PPP6C: variants seen among roughly 807,000 people sequenced by gnomAD.
PPP6C encodes the protein protein phosphatase 6 catalytic subunit, also known as serine/threonine-protein phosphatase 6 catalytic subunit.
In PPP6C, 11 loss-of-function variants were observed where a neutral mutation model predicts 39.8. That is an observed-to-expected ratio of 0.28 (90% CI 0.17 to 0.46). The LOEUF (loss-of-function observed/expected upper bound fraction) is 0.46, where lower values mean the gene tolerates loss of function less well. PPP6C is among the 20% of genes least tolerant of loss of function. The probability of loss-of-function intolerance (pLI) is 1.00; values close to 1 mark genes in which losing one functional copy is unlikely to be tolerated. For synonymous variants in PPP6C, 129 were observed against 130.3 expected, an observed-to-expected ratio of 0.99 and a Z score of 0.07; for missense variants, 211 against 373.9, an observed-to-expected ratio of 0.56 and a Z score of 3.59.
At chr9:125,154,030 A>G in intron 4 of PPP6C, 45 bp from the exon 5 acceptor site, 1 of 1,385,928 alleles carries the variant, frequency 7.2e-7, no homozygotes. Context: ...TCTGCTAATA[A>G]AAATAAACAA....
At chr9:125,171,590 G>A (rs1829169045) in intron 1 of PPP6C, among the ~76,000 whole-genome samples, 1 of 142,450 alleles carries the variant, frequency 7.0e-6, no homozygotes, top group South Asian at 2.2e-4. Context: ...GTCTCACTCT[G>A]TCTCCCAGGC....
chr9:125,185,436 G>A (rs912497390), intron 1 of PPP6C, among the ~76,000 whole-genome samples: 1 of 152,014 alleles, frequency 6.6e-6, no homozygotes, highest in Non-Finnish European at 1.5e-5. Flanking sequence ...GCTCACGCCT[G>A]TAATCCCAGC....
At chr9:125,156,740 G>GCTCGCTCT (rs899378572) in intron 4 of PPP6C, among the ~76,000 whole-genome samples, 6 of 134,092 alleles carry the variant, frequency 4.5e-5, no homozygotes, top group Non-Finnish European at 7.7e-5. Context: ...TTCCTAATAA[G>GCTCGCTCT]CTCGCTCTCT....
chr9:125,169,359 T>C (rs1218437879), intron 2 of PPP6C, among the ~76,000 whole-genome samples: 2 of 152,258 alleles, frequency 1.3e-5, no homozygotes, highest in African/African-American at 4.8e-5. Context: ...ACTGAAGGTA[T>C]ATATAATACA....
intron 1 of PPP6C, among the ~76,000 whole-genome samples, chr9:125,184,525 C>A (rs1829484356): frequency 6.6e-6 from 1 of 151,532 alleles, no homozygotes; most frequent in African/African-American, 2.4e-5. Context: ...CCACTGCACT[C>A]CACCCTGGGC....
At position 125,147,000 on chromosome 9, in the gene PPP6C, G is replaced by C. The variant is rs1835827110; in HGVS notation, c.*2673C>G. On this transcript the variant is annotated 3_prime_UTR_variant, in exon 7 of 7. Transcript: ENST00000373547. Reference sequence around the variant, plus strand: ...ACCTTATTTCCCAAAGCAAAACCTAGGGCTTAAGACGTCAAAATCTTCCAA... The same window carrying C: ...ACCTTATTTCCCAAAGCAAAACCTACGGCTTAAGACGTCAAAATCTTCCAA... 6.6e-6 allele frequency: 1 copy of C among 152,124 alleles called. No homozygotes were observed. The highest frequency in any genetic ancestry group is 1.5e-5 in the Non-Finnish European group (1 of 68,020). The allele number at this position is 152,124 out of a possible 1,614,324, so 9.4% of individuals were successfully genotyped here.
rs1282783620 is a variant in PPP6C at position 125,147,353 on chromosome 9, T to C, written c.*2320A>G. 6.6e-6 allele frequency: 1 copy of C among 152,144 alleles called. No individual in the cohort carries two copies. The highest frequency in any genetic ancestry group is 6.5e-5 in the Admixed American group (1 of 15,268). 9.4% of individuals were successfully genotyped at this position (152,144 alleles called of 1,614,324 possible). A position where few individuals can be genotyped will look rare whatever the true frequency, so the allele number is the denominator to read the frequency against. On this transcript the variant is annotated 3_prime_UTR_variant, in exon 7 of 7. Transcript: ENST00000373547. ...CAGCCTAGATATAGGGAGTAACAAA[T>C]CCTCCTGCCCATAAATCTATGACTT...
chr9:125,152,130 G>C (rs368108364), intron 6 of PPP6C, among the ~76,000 whole-genome samples: 144 of 152,186 alleles, frequency 9.5e-4, no homozygotes, highest in Non-Finnish European at 1.7e-3. Flanking sequence ...GGGTGGTTGA[G>C]GGGGGAGGCA....
At position 125,186,786 on chromosome 9, in the gene PPP6C, GA is replaced by G. The variant is rs971834113; in HGVS notation, c.75+2857del. 1.1e-4 allele frequency among the ~76,000 whole-genome samples: 17 copies of G among 148,114 alleles called. 1 individual carries two copies. The highest frequency in any genetic ancestry group is 3.5e-4 in the African/African-American group (14 of 40,048). ...AAAAAAAGATTAAAAATTTTTTTAAGAAAAAAAAAGAAACAAATACAAGTCA... is the reference window on the plus strand; with the variant it reads ...AAAAAAAGATTAAAAATTTTTTTAAGAAAAAAAAGAAACAAATACAAGTCA... On this transcript the variant is annotated intron_variant, in intron 1 of 6. Coordinates refer to ENST00000373547, the MANE Select transcript of PPP6C (RefSeq NM_002721.5).
In PPP6C at chr9:125,153,664, C is replaced by A; in HGVS notation, c.538G>T (p.Glu180Ter). 6.2e-7 allele frequency: 1 copy of A among 1,614,108 alleles called. No homozygotes were observed. The highest frequency in any genetic ancestry group is 1.3e-5 in the African/African-American group (1 of 75,020). The stretch of plus-strand genomic sequence containing the variant: ...TTATGAGGAATTTCCTGATTCCGTT[C>A]GATGGTTCGAATTTGATCCAGTGTT... ...IKTLDQIRTI[E>*]RNQEIPHKGA... is the part of the protein sequence containing the mutation. Residue 180 changes from glutamate (E) to a stop codon, truncating the protein, a stop_gained, in exon 6 of 7, where the codon GAA becomes TAA. Transcript: ENST00000373547. LOFTEE classifies it high-confidence loss of function.
intron 1 of PPP6C, among the ~76,000 whole-genome samples, chr9:125,187,202 C>A (rs1045095575): frequency 2.0e-5 from 3 of 151,852 alleles, no homozygotes; most frequent in Non-Finnish European, 4.4e-5. Context: ...CTGCCTCAGC[C>A]ACCCAAAGTG....
At chr9:125,188,770 T>A (rs559587735) in intron 1 of PPP6C, 2 of 224,374 alleles carry the variant, frequency 8.9e-6, no homozygotes, top group African/African-American at 5.2e-5. Context: ...GGTGACAGAG[T>A]GAGACTCTAT....
rs921713725 is a variant in PPP6C at position 125,167,843 on chromosome 9, G to C, written c.171+3242C>G. ...GGAGTTTGAGATGGGGGGGGGGGGG[G>C]GGGGTATCATTTGGTTGCCCAGGCT... On this transcript the variant is annotated intron_variant, in intron 2 of 6. Coordinates refer to ENST00000373547, the MANE Select transcript of PPP6C (RefSeq NM_002721.5). Among the ~76,000 whole-genome samples the C allele has an allele frequency of 6.4e-4, 62 of 96,712 alleles. 3 individuals are homozygous for C. The highest frequency in any genetic ancestry group is 2.2e-3 in the African/African-American group (58 of 26,938). The allele number at this position is 96,712 out of a possible 152,430, so 63.4% of individuals were successfully genotyped here.
intron 1 of PPP6C, chr9:125,172,067 T>C (rs114137161): frequency 2.6e-4 from 108 of 410,586 alleles, no homozygotes; most frequent in African/African-American, 1.9e-3. Flanking sequence ...ATCCACACCA[T>C]GTAATACTAC....
chr9:125,175,658 A>G (rs975823008), intron 1 of PPP6C, among the ~76,000 whole-genome samples: 15 of 151,792 alleles, frequency 9.9e-5, no homozygotes, highest in Admixed American at 3.9e-4. Flanking sequence ...AAAAAAAAAA[A>G]AAAGAAATTA....
chr9:125,156,204 A>G (rs1836069063), intron 4 of PPP6C, among the ~76,000 whole-genome samples: 2 of 152,226 alleles, frequency 1.3e-5, no homozygotes, highest in Admixed American at 1.3e-4. Flanking sequence ...AAATTATATA[A>G]AAACAATAAA....
intron 1 of PPP6C, chr9:125,172,111 A>C (rs916474480): frequency 2.8e-6 from 1 of 356,366 alleles, no homozygotes; most frequent in African/African-American, 2.2e-5. Flanking sequence ...CTGCCACACA[A>C]CAACCTGGAT....
In PPP6C at chr9:125,149,680, A is replaced by C; in HGVS notation, c.911T>G (p.Phe304Cys). 6.2e-7 allele frequency: 1 copy of C among 1,613,922 alleles called. No individual in the cohort carries two copies. The highest frequency in any genetic ancestry group is 8.5e-7 in the Non-Finnish European group (1 of 1,179,802). ...VIPPRTTTPYFL is the reference protein window; with the variant it reads ...VIPPRTTTPYCL ...GCAGGATGGGCGAAGGCCTCAAAGGAAATATGGCGTTGTCGTTCTGGGAGG... is the reference window on the plus strand; with the variant it reads ...GCAGGATGGGCGAAGGCCTCAAAGGCAATATGGCGTTGTCGTTCTGGGAGG... Residue 304 changes from phenylalanine (F) to cysteine (C), a missense_variant, in exon 7 of 7, where the codon TTC (phenylalanine) becomes TGC (cysteine). Physicochemically the swap from Phe to Cys is radical, Grantham distance 205. Around this residue, in one of 2 missense-constraint regions of PPP6C, gnomAD observed 168 missense variants for 342.6 expected, o/e 0.49. Transcript: ENST00000373547.
At chr9:125,172,215 T>C (rs1829186303) in intron 1 of PPP6C, among the ~76,000 whole-genome samples, 1 of 152,058 alleles carries the variant, frequency 6.6e-6, no homozygotes, top group African/African-American at 2.4e-5. Context: ...TATATAACCT[T>C]CTTTTTTTCC....
Sources: gnomAD v4.1 joint callset for allele counts (sites outside exome capture counted in the v4.1 genomes callset) on GRCh38, gnomAD v4.1.1 for gene constraint, gnomAD v4.1.1 regional missense constraint, MANE v1.5 for transcripts, NCBI Gene and HGNC (gene_info 2026-07-23, HGNC 2026-07-21) for gene names.